DACH2: variants seen among roughly 807,000 people sequenced by gnomAD.
DACH2 encodes the protein dachshund homolog 2.
DACH2 carries 17 observed loss-of-function variants against 35.8 expected under a neutral mutation model. The ratio of observed to expected loss-of-function variants is 0.48; its 90% CI spans 0.33 to 0.71. The LOEUF (loss-of-function observed/expected upper bound fraction) is 0.71, where lower values mean the gene tolerates loss of function less well. DACH2 is among the 30% of genes least tolerant of loss of function. The pLI is 0.02. For synonymous variants in DACH2, 195 were observed against 177.3 expected, an observed-to-expected ratio of 1.10 and a Z score of -0.79; for missense variants, 469 against 472.7, an observed-to-expected ratio of 0.99 and a Z score of 0.07.
chrX:86,229,848 C>T (rs1309947699), intron 1 of DACH2, among the ~76,000 whole-genome samples: 1 of 106,784 alleles, frequency 9.4e-6, no homozygotes, highest in East Asian at 2.9e-4. Flanking sequence ...ATTTTTTTGT[C>T]AGTTCTAGAA....
At chrX:86,179,852 C>G (rs186323773) in intron 1 of DACH2, among the ~76,000 whole-genome samples, 6 of 110,073 alleles carry the variant, frequency 5.5e-5, no homozygotes, top group Non-Finnish European at 9.5e-5. Context: ...TAACGAAAAG[C>G]AGTCCTTTCT....
chrX:86,698,548 T>TTTTTTTTTTTTTTA (rs34849144), intron 5 of DACH2, among the ~76,000 whole-genome samples: 1 of 82,979 alleles, frequency 1.2e-5, no homozygotes, highest in African/African-American at 4.6e-5. Flanking sequence ...TTTTTTTTTT[T>TTTTTTTTTTTTTTA]ACAGGGTCTC....
chrX:86,727,101 A>G (rs1162716011), intron 6 of DACH2, among the ~76,000 whole-genome samples: 1 of 112,254 alleles, frequency 8.9e-6, no homozygotes, highest in Non-Finnish European at 1.9e-5. Flanking sequence ...CATCTTTACC[A>G]TTTAGGTAAA....
intron 6 of DACH2, among the ~76,000 whole-genome samples, 164 bp downstream of exon 6, chrX:86,714,884 G>T (rs1303544364): frequency 8.9e-6 from 1 of 111,997 alleles, no homozygotes; most frequent in African/African-American, 3.2e-5. Context: ...TGCCAGGTTT[G>T]TTGTTGTTTG....
chrX:86,399,228 T>G lies in DACH2; in HGVS notation c.527+22366T>G, dbSNP rs1417706807. ...CCCCTGCCTTTTTTTGTTTTCCATTTGCTTGGTAGATCTTCCTCCATCCCT... is the reference window on the plus strand; with the variant it reads ...CCCCTGCCTTTTTTTGTTTTCCATTGGCTTGGTAGATCTTCCTCCATCCCT... On this transcript the variant is annotated intron_variant, in intron 2 of 11. Transcript: ENST00000373125. Among the ~76,000 whole-genome samples the G allele has an allele frequency of 7.2e-5, 8 of 111,860 alleles. No homozygotes were observed. In the South Asian group the frequency reaches 2.3e-3, roughly 32 times the overall value.
At chrX:86,560,453 C>T (rs773666709) in intron 3 of DACH2, among the ~76,000 whole-genome samples, 32 of 101,725 alleles carry the variant, frequency 3.1e-4, no homozygotes, top group African/African-American at 1.0e-3. Context: ...ATCTTTGTGG[C>T]GTTCTCTGTA....
intron 1 of DACH2, among the ~76,000 whole-genome samples, chrX:86,269,961 C>T (rs2033782560): frequency 9.5e-6 from 1 of 105,040 alleles, no homozygotes; most frequent in African/African-American, 3.4e-5. Flanking sequence ...AATTCTTCAC[C>T]CACTCCTCAA....
At chrX:86,705,050 C>CATATATATATATATATCTCACAT (rs1569470566) in intron 5 of DACH2, among the ~76,000 whole-genome samples, 36 of 75,252 alleles carry the variant, frequency 4.8e-4, no homozygotes, top group Non-Finnish European at 7.0e-4. Flanking sequence ...ATATATCTCA[C>CATATATATATATATATCTCACAT]ATATATATAT....
At chrX:86,360,338 G>A (rs1433747031) in intron 1 of DACH2, among the ~76,000 whole-genome samples, 1 of 111,001 alleles carries the variant, frequency 9.0e-6, no homozygotes, top group Non-Finnish European at 1.9e-5. Flanking sequence ...CTTTCATTCT[G>A]TTGGGCATTT....
At chrX:86,592,700 A>G (rs1235352383) in intron 3 of DACH2, among the ~76,000 whole-genome samples, 1 of 112,006 alleles carries the variant, frequency 8.9e-6, no homozygotes, top group African/African-American at 3.2e-5. Flanking sequence ...GATTTCTGTT[A>G]TTAGAGTTTT....
intron 3 of DACH2, among the ~76,000 whole-genome samples, chrX:86,601,034 G>A (rs1689141331): frequency 9.0e-6 from 1 of 111,343 alleles, no homozygotes; most frequent in Non-Finnish European, 1.9e-5. Flanking sequence ...CAATAGACAA[G>A]GAAAGTGAAC....
At chrX:86,823,655 G>C (rs2042534762) in intron 11 of DACH2, among the ~76,000 whole-genome samples, 1 of 111,724 alleles carries the variant, frequency 9.0e-6, no homozygotes, top group East Asian at 2.8e-4. Context: ...TTTCAACATA[G>C]GTTCTTTCTA....
chrX:86,828,415 C>A (rs1249711921), intron 11 of DACH2: 1 of 111,183 alleles, frequency 9.0e-6, no homozygotes, highest in Non-Finnish European at 1.9e-5. Context: ...GGAGCAAGTC[C>A]TTTAACCCCT....
At chrX:86,582,104 C>G (rs758299382) in intron 3 of DACH2, among the ~76,000 whole-genome samples, 5 of 111,579 alleles carry the variant, frequency 4.5e-5, no homozygotes, top group African/African-American at 6.5e-5. Context: ...ACAACCTTCT[C>G]CTGAGTAACT....
chrX:86,149,031 C>T lies in DACH2; in HGVS notation c.411C>T (p.Ile137=). ...QVRILRGLGA[I]QPGVNRCKLI... is the part of the protein sequence containing the mutation. The stretch of plus-strand genomic sequence containing the variant: ...GGATCCTCCGCGGGCTGGGGGCCAT[C>T]CAGCCCGGGGTAAACCGCTGCAAAC... Residue 137 remains isoleucine (I), a synonymous_variant, in exon 1 of 12, where the codon ATC becomes ATT. Coordinates refer to ENST00000373125, the MANE Select transcript of DACH2 (RefSeq NM_053281.3). The T allele has an allele frequency of 8.3e-7, 1 of 1,209,349 alleles. No individual in the cohort carries two copies.
chrX:86,455,638 C>A (rs1393511182), intron 2 of DACH2, among the ~76,000 whole-genome samples: 1 of 112,705 alleles, frequency 8.9e-6, no homozygotes, highest in Non-Finnish European at 1.9e-5. Context: ...GTAAAGCCAG[C>A]AGGCTGGAAT....
At chrX:86,369,965 A>G (rs2035862171) in intron 1 of DACH2, among the ~76,000 whole-genome samples, 1 of 111,651 alleles carries the variant, frequency 9.0e-6, no homozygotes, top group Admixed American at 9.6e-5. Flanking sequence ...AAGACTGTAC[A>G]GTGATGATTT....
chrX:86,639,242 G>C (rs6418349), intron 3 of DACH2, among the ~76,000 whole-genome samples: 25,560 of 110,752 alleles, frequency 0.23, 2,704 homozygotes, highest in East Asian at 0.48. Flanking sequence ...GAAAACAGCC[G>C]ACCTGGGAGC....
intron 2 of DACH2, among the ~76,000 whole-genome samples, chrX:86,499,439 G>C (rs2038219564): frequency 9.0e-6 from 1 of 111,351 alleles, no homozygotes; most frequent in Non-Finnish European, 1.9e-5. Flanking sequence ...CAAAAATCCT[G>C]TAATATTAAA....
Sources: gnomAD v4.1 joint callset for allele counts (sites outside exome capture counted in the v4.1 genomes callset) on GRCh38, gnomAD v4.1.1 for gene constraint, MANE v1.5 for transcripts, NCBI Gene and HGNC (gene_info 2026-07-23, HGNC 2026-07-21) for gene names.